Variants in C20orf96 observed in about 807,000 individuals in gnomAD.
The protein encoded by C20orf96 is chromosome 20 open reading frame 96.
A neutral mutation model predicts 52.6 loss-of-function variants in C20orf96; 57 were observed. The ratio of observed to expected loss-of-function variants is 1.08; its 90% confidence interval spans 0.88 to 1.35. The LOEUF is 1.35. C20orf96 is among the 40% of genes most tolerant of loss of function. The pLI, the probability that C20orf96 is intolerant of heterozygous loss-of-function variation, is 0.00. For synonymous variants in C20orf96, 168 were observed against 157.2 expected, an observed-to-expected ratio of 1.07 and a Z score of -0.51; for missense variants, 478 against 443.6, an observed-to-expected ratio of 1.08 and a Z score of -0.70.
chr20:286,708 C>G (rs185678848), intron 3 of C20orf96, among the ~76,000 whole-genome samples: 4 of 152,170 alleles, frequency 2.6e-5, no homozygotes, highest in Non-Finnish European at 5.9e-5. Flanking sequence ...AATATCACAA[C>G]CAGGATATTG....
chr20:278,845 T>C (rs373184557), intron 5 of C20orf96, among the ~76,000 whole-genome samples: 70 of 132,766 alleles, frequency 5.3e-4, no homozygotes, highest in African/African-American at 2.0e-3. Flanking sequence ...GTGAGGGGAG[T>C]GAAGGGTGAA....
chr20:290,207 G>A (rs972392977), intron 2 of C20orf96, 52 bp downstream of exon 2: 1 of 1,401,342 alleles, frequency 7.1e-7, no homozygotes, highest in South Asian at 1.2e-5. Flanking sequence ...AGAGCAGGTG[G>A]ACTGCAGGGC....
intron 10 of C20orf96, among the ~76,000 whole-genome samples, 177 bp downstream of exon 10, chr20:275,791 G>C (rs1262197385): frequency 1.3e-5 from 2 of 152,144 alleles, no homozygotes; most frequent in Non-Finnish European, 2.9e-5. Context: ...TGCAGAGATG[G>C]GAAAGGTCAC....
chr20:275,319 G>A (rs527257197), intron 10 of C20orf96, among the ~76,000 whole-genome samples: 17 of 152,292 alleles, frequency 1.1e-4, no homozygotes, highest in African/African-American at 4.1e-4. Flanking sequence ...TTTGTTTTGG[G>A]GGCGGGGGGC....
intron 9 of C20orf96, 50 bp from the exon 10 acceptor site, chr20:276,136 A>C (rs780790822): frequency 1.2e-6 from 2 of 1,610,294 alleles, no homozygotes; most frequent in Admixed American, 1.7e-5. Context: ...ATGGCCCCCA[A>C]CCAAAGGGAG....
chr20:283,997 G>T lies in C20orf96; in HGVS notation c.272C>A (p.Pro91His). ...CCAGATTTTGGCATGCATCTTCCCA[G>T]GGTCCAACTTCCGCCTTCTATGTAG... ...RELHRRRKLDPGKMHAKIWLM... is the reference protein window; with the variant it reads ...RELHRRRKLDHGKMHAKIWLM... The change falls in exon 4 of 11, where the codon CCT (proline) becomes CAT (histidine). Residue 91 changes from proline (P) to histidine (H), a missense_variant. Physicochemically the swap from Pro to His is moderately conservative, Grantham distance 77. Transcript: ENST00000360321. 1 of 1,614,144 alleles carries T rather than the reference G, an allele frequency of 6.2e-7. No individual in the cohort carries two copies. Among genetic ancestry groups the T allele is most frequent in the Non-Finnish European group, 8.5e-7 (1 of 1,179,998 alleles).
intron 4 of C20orf96, among the ~76,000 whole-genome samples, chr20:281,204 G>C (rs570655391): frequency 8.4e-4 from 128 of 152,194 alleles, no homozygotes; most frequent in African/African-American, 3.0e-3. Flanking sequence ...AAATTAAAAT[G>C]TTCGCTGGGC....
chr20:282,951 A>G (rs1344622544), intron 4 of C20orf96, among the ~76,000 whole-genome samples: 1 of 152,206 alleles, frequency 6.6e-6, no homozygotes, highest in Admixed American at 6.5e-5. Context: ...ACCATTTTGC[A>G]AGATAAAAGG....
Position 290,273 on chromosome 20 carries a change from C to G in C20orf96, c.55G>C (p.Glu19Gln). 1 of 1,612,666 alleles carries G rather than the reference C, an allele frequency of 6.2e-7. No individual in the cohort carries two copies. The highest frequency in any genetic ancestry group is 8.5e-7 in the Non-Finnish European group (1 of 1,179,388). Reference sequence around the variant, plus strand: ...CCAAGACTCACCGGAACCTGGAACTCCTGGACTATGGAGTGAGTCCCAGAG... The same window carrying G: ...CCAAGACTCACCGGAACCTGGAACTGCTGGACTATGGAGTGAGTCCCAGAG... ...KHSGTHSIVQ[E>Q]FQVPDYVPWQ... The change falls in exon 2 of 11, where the codon GAG becomes CAG. Residue 19 changes from glutamate to glutamine, a missense_variant. Transcript: ENST00000360321.
At chr20:279,102 C>CGGAGGGAGGGAGGGACGGAG in intron 5 of C20orf96, 70 bp downstream of exon 5, 2 of 609,442 alleles carry the variant, frequency 3.3e-6, no homozygotes, top group Non-Finnish European at 3.9e-6. Context: ...GACGGAGGGA[C>CGGAGGGAGGGAGGGACGGAG]GGAGGGAGGG....
chr20:280,598 G>A (rs1035270188), intron 4 of C20orf96, among the ~76,000 whole-genome samples: 8 of 152,346 alleles, frequency 5.3e-5, no homozygotes, highest in African/African-American at 1.9e-4. Flanking sequence ...GCTGGAACTG[G>A]AAAGCCAGAC....
intron 10 of C20orf96, among the ~76,000 whole-genome samples, chr20:273,474 C>T (rs1036145401): frequency 3.9e-5 from 6 of 152,200 alleles, no homozygotes; most frequent in Non-Finnish European, 8.8e-5. Flanking sequence ...CACTCAGCTC[C>T]GTGTCAATGC....
At chr20:277,730 G>A (rs1005583029) in intron 6 of C20orf96, among the ~76,000 whole-genome samples, 3 of 152,198 alleles carry the variant, frequency 2.0e-5, no homozygotes, top group Non-Finnish European at 4.4e-5. Flanking sequence ...AGACCAGGCA[G>A]ATGGGGTGAC....
chr20:272,961 A>G (rs1301327408), intron 10 of C20orf96, among the ~76,000 whole-genome samples: 2 of 152,174 alleles, frequency 1.3e-5, no homozygotes, highest in Non-Finnish European at 2.9e-5. Flanking sequence ...GCTCCTTGCC[A>G]ATCTCATCCC....
intron 10 of C20orf96, among the ~76,000 whole-genome samples, chr20:274,441 G>T (rs80355092): frequency 2.2e-3 from 334 of 152,238 alleles, no homozygotes; most frequent in African/African-American, 7.7e-3. Flanking sequence ...GCTCCACGTG[G>T]GTCCAGCTCC....
In C20orf96 at chr20:271,893, T is replaced by C. The variant is rs535418669; in HGVS notation, c.1032-626A>G. 3.3e-5 allele frequency among the ~76,000 whole-genome samples: 5 copies of C among 152,308 alleles called. No homozygotes were observed. The East Asian group carries it at 9.6e-4, about 29-fold the overall frequency. On this transcript the variant is annotated intron_variant, in intron 10 of 10. Transcript: ENST00000360321. ...AAGTAGCAAGAGAGATGGATTCCCA[T>C]CAGCAATATATTCCCCATTGCAGGG...
chr20:277,235 G>C lies in C20orf96; in HGVS notation c.714C>G (p.Asp238Glu), dbSNP rs368143993. ...TLMRQLQQVK[D>E]SQQDELDDLG... ...GCAGGGGCTCCCCTACCTGCTGGCTGTCCTTAACCTGCTGCAGCTGGCGCA... is the reference window on the plus strand; with the variant it reads ...GCAGGGGCTCCCCTACCTGCTGGCTCTCCTTAACCTGCTGCAGCTGGCGCA... Residue 238 changes from aspartate (D) to glutamate (E), a missense_variant, in exon 7 of 11, where the codon GAC becomes GAG. Transcript: ENST00000360321. 97 of 1,614,194 alleles carry C rather than the reference G, an allele frequency of 6.0e-5. 1 individual carries two copies. The highest frequency in any genetic ancestry group is 4.9e-4 in the Middle Eastern group (3 of 6,062).
intron 3 of C20orf96, among the ~76,000 whole-genome samples, chr20:284,752 G>A (rs2012339469): frequency 6.6e-6 from 1 of 152,254 alleles, no homozygotes; most frequent in African/African-American, 2.4e-5. Flanking sequence ...AGCTACTTGG[G>A]AGGCTGAGGC....
chr20:276,764 A>C (rs773384373), intron 9 of C20orf96, 29 bp downstream of exon 9: 1 of 1,605,066 alleles, frequency 6.2e-7, no homozygotes, highest in Non-Finnish European at 8.5e-7. Context: ...GCTTCCCTAC[A>C]GGGACCACCA....
Sources: allele counts gnomAD v4.1 joint callset (sites outside exome capture counted in the v4.1 genomes callset), GRCh38; gene constraint gnomAD v4.1.1; transcripts MANE v1.5; gene names NCBI Gene and HGNC (gene_info 2026-07-23, HGNC 2026-07-21).